NKAIN2: variants seen among roughly 807,000 people sequenced by gnomAD.
The protein encoded by NKAIN2 is sodium/potassium-transporting ATPase subunit beta-1-interacting protein 2.
Under a neutral mutation model 32.6 loss-of-function variants are expected in NKAIN2, and 14 were observed. The observed-to-expected ratio is 0.43, with a 90% CI of 0.28 to 0.67. The LOEUF (loss-of-function observed/expected upper bound fraction) is 0.67, where lower values mean the gene tolerates loss of function less well. Ranked by LOEUF, NKAIN2 falls within the 30% of genes least tolerant of loss-of-function variation. The pLI, the probability that NKAIN2 is intolerant of heterozygous loss-of-function variation, is 0.17. For missense variants in NKAIN2, 198 were observed against 258.3 expected (o/e 0.77, Z 1.60); for synonymous variants, 80 against 87.2 (o/e 0.92, Z 0.46).
At chr6:124,213,432 A>C (rs1329764054) in intron 1 of NKAIN2, among the ~76,000 whole-genome samples, 1 of 152,082 alleles carries the variant, frequency 6.6e-6, no homozygotes, top group African/African-American at 2.4e-5. Context: ...AACTGCACTA[A>C]AATTATACTA....
chr6:124,711,964 T>G (rs1345978241), intron 4 of NKAIN2, among the ~76,000 whole-genome samples: 2 of 152,124 alleles, frequency 1.3e-5, no homozygotes, highest in Admixed American at 1.3e-4. Flanking sequence ...CTACTTTTGG[T>G]CTTTGACGAT....
At chr6:124,016,451 A>G (rs996679938) in intron 1 of NKAIN2, among the ~76,000 whole-genome samples, 2 of 152,244 alleles carry the variant, frequency 1.3e-5, no homozygotes, top group Non-Finnish European at 2.9e-5. Context: ...CTCAAAATAG[A>G]TTGAACTGCT....
At chr6:124,610,695 C>A (rs576170137) in intron 3 of NKAIN2, among the ~76,000 whole-genome samples, 1 of 152,276 alleles carries the variant, frequency 6.6e-6, no homozygotes, top group Non-Finnish European at 1.5e-5. Flanking sequence ...CTTGCCCCAT[C>A]TGGATTCATG....
chr6:124,197,440 A>G (rs1236368512), intron 1 of NKAIN2, among the ~76,000 whole-genome samples: 2 of 152,106 alleles, frequency 1.3e-5, no homozygotes, highest in African/African-American at 4.8e-5. Context: ...TATTATGACT[A>G]CAACTTTCCA....
intron 1 of NKAIN2, among the ~76,000 whole-genome samples, chr6:124,024,140 A>G (rs1780996879): frequency 6.6e-6 from 1 of 152,188 alleles, no homozygotes; most frequent in African/African-American, 2.4e-5. Context: ...GGTATGTACA[A>G]GAAAAAAGAA....
chr6:124,357,588 G>C (rs1206050336), intron 3 of NKAIN2, among the ~76,000 whole-genome samples: 2 of 152,110 alleles, frequency 1.3e-5, no homozygotes, highest in African/African-American at 4.8e-5. Context: ...TGAGGCTGAG[G>C]GAGAAATTTG....
chr6:124,429,189 C>G (rs1269529595), intron 3 of NKAIN2, among the ~76,000 whole-genome samples: 1 of 151,178 alleles, frequency 6.6e-6, no homozygotes, highest in African/African-American at 2.4e-5. Context: ...GGGTGCCCAC[C>G]ACCACTCCTG....
chr6:124,464,819 T>G (rs1776677235), intron 3 of NKAIN2, among the ~76,000 whole-genome samples: 1 of 152,134 alleles, frequency 6.6e-6, no homozygotes, highest in Non-Finnish European at 1.5e-5. Context: ...AGTTTTGTTC[T>G]TTTTGCTTAG....
rs374347210 is a variant in NKAIN2, at chr6:124,324,155, G to A, written c.193-31112G>A. On this transcript the variant is annotated intron_variant, in intron 2 of 6. Transcript: ENST00000368417. ...CTATATTTGTAAACAGTCTTGGTGG[G>A]ATTTAAATGGCAATTTCTTTAAAAC... Among the ~76,000 whole-genome samples, 10 of 152,142 alleles carry A rather than the reference G, an allele frequency of 6.6e-5. 1 individual carries two copies. In the South Asian group the frequency reaches 2.1e-3, roughly 32 times the overall value.
intron 1 of NKAIN2, among the ~76,000 whole-genome samples, chr6:124,165,735 C>G (rs113645927): frequency 8.1e-5 from 12 of 148,564 alleles, no homozygotes; most frequent in African/African-American, 2.7e-4. Context: ...TCTCATTGTT[C>G]AATTCCCACC....
At chr6:124,789,080 T>C (rs939087926) in intron 4 of NKAIN2, among the ~76,000 whole-genome samples, 1 of 152,152 alleles carries the variant, frequency 6.6e-6, no homozygotes, top group Middle Eastern at 3.4e-3. Context: ...ATGAATATAA[T>C]TAAAAGATAA....
At chr6:123,934,119 A>T (rs78154565) in intron 1 of NKAIN2, among the ~76,000 whole-genome samples, 3,323 of 152,258 alleles carry the variant, frequency 0.022, 52 homozygotes, top group African/African-American at 0.03. Flanking sequence ...CAACAACTTC[A>T]CAAGTGATTT....
chr6:123,932,402 C>CTTT (rs1562264055), intron 1 of NKAIN2, among the ~76,000 whole-genome samples: 1 of 91,216 alleles, frequency 1.1e-5, no homozygotes, highest in African/African-American at 4.5e-5. Context: ...CCTTTTCTGT[C>CTTT]TTTCTTTTTT....
intron 3 of NKAIN2, among the ~76,000 whole-genome samples, chr6:124,424,983 A>G (rs1361465827): frequency 6.6e-6 from 1 of 152,154 alleles, no homozygotes; most frequent in Non-Finnish European, 1.5e-5. Flanking sequence ...GAACCTCCAA[A>G]CAGTTTTCCC....
intron 3 of NKAIN2, among the ~76,000 whole-genome samples, chr6:124,401,639 A>G (rs1046221729): frequency 2.0e-5 from 3 of 152,104 alleles, no homozygotes; most frequent in African/African-American, 7.2e-5. Context: ...TATGTTGTGT[A>G]ATTTCCTTGT....
At chr6:124,142,960 C>T (rs1372273207) in intron 1 of NKAIN2, among the ~76,000 whole-genome samples, 1 of 152,178 alleles carries the variant, frequency 6.6e-6, no homozygotes, top group Non-Finnish European at 1.5e-5. Flanking sequence ...GATCTCTTCA[C>T]TCTAAAATCC....
intron 1 of NKAIN2, among the ~76,000 whole-genome samples, chr6:124,032,557 T>C (rs1781451576): frequency 6.6e-6 from 1 of 152,060 alleles, no homozygotes; most frequent in South Asian, 2.1e-4. Flanking sequence ...TTACCATTAT[T>C]TGATAAAGGT....
At chr6:124,557,558 A>G (rs1326393320) in intron 3 of NKAIN2, among the ~76,000 whole-genome samples, 1 of 152,204 alleles carries the variant, frequency 6.6e-6, no homozygotes, top group African/African-American at 2.4e-5. Context: ...TACTGTCCCT[A>G]TAGACAATAC....
At chr6:124,124,944 A>G (rs1364410793) in intron 1 of NKAIN2, among the ~76,000 whole-genome samples, 1 of 152,188 alleles carries the variant, frequency 6.6e-6, no homozygotes, top group Non-Finnish European at 1.5e-5. Flanking sequence ...ATAACAGGTC[A>G]TAGGTAAATA....
Sources: allele counts gnomAD v4.1 joint callset (sites outside exome capture counted in the v4.1 genomes callset), GRCh38; gene constraint gnomAD v4.1.1; transcripts MANE v1.5; gene names NCBI Gene and HGNC (gene_info 2026-07-23, HGNC 2026-07-21).